The following ZFR2 variants were observed in gnomAD, a reference collection of about 807,000 sequenced individuals.
The protein encoded by ZFR2 is zinc finger RNA binding protein 2.
ZFR2 carries 104 observed loss-of-function variants against 105.7 expected under a neutral mutation model. That is an observed-to-expected ratio of 0.98 (90% CI 0.84 to 1.16). ZFR2 has a LOEUF of 1.16. Among genes scored for constraint, ZFR2 ranks in the 50% most tolerant of loss-of-function variants. The pLI, the probability that ZFR2 is intolerant of heterozygous loss-of-function variation, is 0.00. For synonymous variants in ZFR2, 634 were observed against 597.7 expected, an observed-to-expected ratio of 1.06 and a Z score of -0.89; for missense variants, 1,425 against 1,355.5, an observed-to-expected ratio of 1.05 and a Z score of -0.80.
At chr19:3,859,445 T>A (rs971478578) in intron 1 of ZFR2, among the ~76,000 whole-genome samples, 1 of 152,370 alleles carries the variant, frequency 6.6e-6, no homozygotes, top group Admixed American at 6.5e-5. Context: ...GAGTCACTTC[T>A]CCTGGATAAG....
chr19:3,842,294 G>A (rs926957787), intron 1 of ZFR2, among the ~76,000 whole-genome samples: 6 of 152,124 alleles, frequency 3.9e-5, no homozygotes, highest in African/African-American at 1.2e-4. Context: ...AATTACAGGC[G>A]TGAGTCACTG....
intron 10 of ZFR2, 62 bp downstream of exon 10, chr19:3,821,278 G>A: frequency 6.8e-7 from 1 of 1,473,022 alleles, no homozygotes; most frequent in Non-Finnish European, 9.0e-7. Context: ...TGGGCGTCTA[G>A]GTTCCACGCT....
At position 3,823,507 on chromosome 19, in the gene ZFR2, T is replaced by A; in HGVS notation, c.1214-104A>T. 1 of 1,192,822 alleles carries A rather than the reference T, an allele frequency of 8.4e-7. No homozygotes were observed. Among genetic ancestry groups the A allele is most frequent in the Non-Finnish European group, 1.2e-6 (1 of 865,710 alleles). The allele number at this position is 1,192,822 out of a possible 1,614,324, so 73.9% of individuals were successfully genotyped here. ...GTGGAGAGCCACCCAGACTGCAGGC[T>A]GTGCCATCCCCCTCCCTCCTGTGAT... On this transcript the variant is annotated intron_variant, in intron 7 of 18. Coordinates refer to ENST00000262961, the MANE Select transcript of ZFR2 (RefSeq NM_015174.2). This position sits in a 1 kb window ranked among gnomAD's most constrained non-coding sequence, Gnocchi z 5.4.
At position 3,820,125 on chromosome 19, in the gene ZFR2, G is replaced by A. The variant is rs906592089; in HGVS notation, c.1740+57C>T. 1.1e-5 allele frequency: 16 copies of A among 1,516,252 alleles called. No homozygotes were observed. The African/African-American group carries it at 1.4e-4, about 13-fold the overall frequency. 93.9% of individuals were successfully genotyped at this position (1,516,252 alleles called of 1,614,324 possible). On this transcript the variant is annotated intron_variant, in intron 11 of 18. Coordinates refer to ENST00000262961, the MANE Select transcript of ZFR2 (RefSeq NM_015174.2). ...GCCGGGTCCTCCCGAGGAGGTGTCC[G>A]CTGCTCCGGGGAGTGTGAGGTCGCC...
intron 1 of ZFR2, among the ~76,000 whole-genome samples, chr19:3,862,442 C>T (rs1599259264): frequency 6.6e-6 from 1 of 152,156 alleles, no homozygotes; most frequent in African/African-American, 2.4e-5. Context: ...GGACCACAGG[C>T]ACGTGCCACC....
intron 1 of ZFR2, among the ~76,000 whole-genome samples, chr19:3,853,280 G>A (rs1384007307): frequency 6.6e-6 from 1 of 152,164 alleles, no homozygotes; most frequent in East Asian, 1.9e-4. Flanking sequence ...AGCGTGGGCG[G>A]TCACGCTGAC....
rs760885874 is a variant in ZFR2, at chr19:3,813,925, C to T, written c.2137G>A (p.Asp713Asn). ...VTEDEYEVSS[D>N]PEANIVISSC... ...GAGATGACAATGTTGGCTTCAGGGT[C>T]GGAGGAGACCTCATACTCATCCTCG... The change falls in exon 14 of 19, where the codon GAC becomes AAC. Residue 713 changes from aspartate (D) to asparagine (N), a missense_variant. Coordinates refer to ENST00000262961, the MANE Select transcript of ZFR2 (RefSeq NM_015174.2). The surrounding 1 kb of genome is among the most constrained non-coding windows in gnomAD (Gnocchi z 4.4). The T allele has an allele frequency of 9.9e-6, 16 of 1,613,886 alleles. No individual in the cohort carries two copies. In the East Asian group the frequency reaches 2.2e-4, roughly 22 times the overall value.
In ZFR2 at chr19:3,808,945, C is replaced by T. The variant is rs374655663; in HGVS notation, c.2472G>A (p.Ala824=). ...CATCCCCGGGGCCCAGGGGCCCAGC[C>T]GCACTGCTCACAGCCTTCTCCACCA... ...ELLVEKAVSS[A]AGPLGPGDAV... The change falls in exon 17 of 19, where the codon GCG becomes GCA. Residue 824 remains alanine, a synonymous_variant. Transcript: ENST00000262961. The T allele has an allele frequency of 1.8e-5, 29 of 1,571,774 alleles. 1 individual carries two copies. The highest frequency in any genetic ancestry group is 9.1e-5 in the Admixed American group (5 of 54,704).
Position 3,851,201 on chromosome 19 carries a change from G to A in ZFR2, c.54-16218C>T, listed in dbSNP as rs544258316. Among the ~76,000 whole-genome samples the A allele has an allele frequency of 7.2e-5, 11 of 152,246 alleles. 1 individual carries two copies. In the South Asian group the frequency reaches 2.3e-3, roughly 32 times the overall value. On this transcript the variant is annotated intron_variant, in intron 1 of 18. Transcript: ENST00000262961. ...CCCATTAAGGACACGAGACACACAG[G>A]GGCCAGAACTAGAGGGGGTGATGGA...
intron 2 of ZFR2, 41 bp from the exon 3 acceptor site, chr19:3,833,819 G>A: frequency 6.6e-7 from 1 of 1,507,726 alleles, no homozygotes; most frequent in Non-Finnish European, 9.0e-7. Flanking sequence ...GAGAACGGAG[G>A]AGAGCAGCTC....
intron 18 of ZFR2, 141 bp from the exon 19 acceptor site, chr19:3,806,266 G>T: frequency 1.0e-6 from 1 of 965,030 alleles, no homozygotes; most frequent in Non-Finnish European, 1.4e-6. Context: ...CCGGCCCCCC[G>T]CCGCTTTCTT....
chr19:3,812,122 TTAG>T (rs1193175914), intron 14 of ZFR2, among the ~76,000 whole-genome samples: 2 of 152,082 alleles, frequency 1.3e-5, no homozygotes, highest in African/African-American at 4.8e-5. Flanking sequence ...TTTTATATTT[TTAG>T]TAGAGACAGC....
intron 1 of ZFR2, among the ~76,000 whole-genome samples, chr19:3,835,389 G>A (rs150945744): frequency 6.5e-4 from 98 of 151,902 alleles, no homozygotes; most frequent in African/African-American, 2.1e-3. Context: ...GCAGTGGCAC[G>A]ATCTTAGCTC....
chr19:3,819,107 C>A lies in ZFR2; in HGVS notation c.1869G>T (p.Leu623=). 6.2e-7 allele frequency: 1 copy of A among 1,612,356 alleles called. No individual in the cohort carries two copies. Among genetic ancestry groups the A allele is most frequent in the East Asian group, 2.2e-5 (1 of 44,878 alleles). The change falls in exon 12 of 19, where the codon CTG becomes CTT. Residue 623 remains leucine, a synonymous_variant. Coordinates refer to ENST00000262961, the MANE Select transcript of ZFR2 (RefSeq NM_015174.2). The part of the protein sequence containing the change: ...AVSHAERALK[L]VSDTLAEEDR... ...CCTCCTCGGCCAGTGTGTCGGACACCAGCTTGAGGGCCCGCTCTGCGTGGG... is the reference window on the plus strand; with the variant it reads ...CCTCCTCGGCCAGTGTGTCGGACACAAGCTTGAGGGCCCGCTCTGCGTGGG...
chr19:3,825,254 C>A lies in ZFR2; in HGVS notation c.1189G>T (p.Val397Leu). ...SSRPALAKRP[V>L]ASKALCEGPP... ...CCCTCGCATAAGGCCTTCGAGGCCA[C>A]GGGTCTCTTGGCCAGCGCTGGCCTG... The change falls in exon 7 of 19, where the codon GTG (valine) becomes TTG (leucine). Residue 397 changes from valine to leucine, a missense_variant. Coordinates refer to ENST00000262961, the MANE Select transcript of ZFR2 (RefSeq NM_015174.2). 1.9e-6 allele frequency: 3 copies of A among 1,551,506 alleles called. No individual in the cohort carries two copies. Among genetic ancestry groups the A allele is most frequent in the Non-Finnish European group, 2.6e-6 (3 of 1,156,918 alleles).
intron 13 of ZFR2, among the ~76,000 whole-genome samples, chr19:3,815,750 ATTT>A (rs10579892): frequency 0.15 from 19,826 of 136,724 alleles, 1,631 homozygotes; most frequent in East Asian, 0.25. Context: ...TGCTCAGCTA[ATTT>A]TTTTTTTTTT....
At chr19:3,807,313 C>G in intron 17 of ZFR2, 44 bp from the exon 18 acceptor site, 1 of 1,442,486 alleles carries the variant, frequency 6.9e-7, no homozygotes, top group Non-Finnish European at 9.5e-7. Flanking sequence ...CGAGAATGCC[C>G]TCGTGAAAGA....
intron 5 of ZFR2, among the ~76,000 whole-genome samples, chr19:3,828,435 A>G (rs8110279): frequency 0.56 from 85,516 of 152,054 alleles, 24,303 homozygotes; most frequent in East Asian, 0.75. Flanking sequence ...TGCATCACAC[A>G]TTCCTTTTGG....
rs1379667615 is a variant in ZFR2, at chr19:3,813,185, T to C, written c.2242+635A>G. 6.6e-6 allele frequency among the ~76,000 whole-genome samples: 1 copy of C among 152,224 alleles called. No individual in the cohort carries two copies. Among genetic ancestry groups the C allele is most frequent in the East Asian group, 1.9e-4 (1 of 5,202 alleles). ...AGATTACGAAGGGGGTAAAAGATGATAGGAGTTTGGAAAACTGCCCTAGAG... is the reference window on the plus strand; with the variant it reads ...AGATTACGAAGGGGGTAAAAGATGACAGGAGTTTGGAAAACTGCCCTAGAG... On this transcript the variant is annotated intron_variant, in intron 14 of 18. Transcript: ENST00000262961. This position sits in a 1 kb window ranked among gnomAD's most constrained non-coding sequence, Gnocchi z 4.4.
Sources: gnomAD v4.1 joint callset for allele counts (sites outside exome capture counted in the v4.1 genomes callset) on GRCh38, gnomAD v4.1.1 for gene constraint, Gnocchi (gnomAD v3.1) non-coding constraint, MANE v1.5 for transcripts, NCBI Gene and HGNC (gene_info 2026-07-23, HGNC 2026-07-21) for gene names.